Variants in PML observed in about 807,000 individuals in gnomAD.
PML encodes protein PML.
In PML, 28 loss-of-function variants were observed where a neutral mutation model predicts 65.2. The ratio of observed to expected loss-of-function variants is 0.43; its 90% CI spans 0.32 to 0.59. The LOEUF (loss-of-function observed/expected upper bound fraction) is 0.59, where lower values mean the gene tolerates loss of function less well. PML is among the 20% of genes least tolerant of loss of function. The pLI is 0.08. For synonymous variants in PML, 500 were observed against 508.8 expected, an observed-to-expected ratio of 0.98 and a Z score of 0.23; for missense variants, 1,021 against 1,203.4, an observed-to-expected ratio of 0.85 and a Z score of 2.24.
At chr15:74,006,402 A>AAAG in intron 2 of PML, among the ~76,000 whole-genome samples, 1 of 151,886 alleles carries the variant, frequency 6.6e-6, no homozygotes, top group African/African-American at 2.4e-5. Flanking sequence ...AAAAAAAAAA[A>AAAG]AAAAAAAAGA....
chr15:73,995,022 G>T, intron 1 of PML, 81 bp downstream of exon 1: 6 of 1,317,900 alleles, frequency 4.6e-6, no homozygotes, highest in Non-Finnish European at 6.2e-6. Flanking sequence ...AGGGTCTAAC[G>T]GAGGATTTGG....
At position 74,035,991 on chromosome 15, in the gene PML, C is replaced by A; in HGVS notation, c.1710+1461C>A. 6.2e-7 allele frequency: 1 copy of A among 1,614,168 alleles called. No individual in the cohort carries two copies. Among genetic ancestry groups the A allele is most frequent in the South Asian group, 1.1e-5 (1 of 91,092 alleles). On this transcript the variant is annotated intron_variant, in intron 7 of 8. Transcript: ENST00000268058. This position sits in a 1 kb window ranked among gnomAD's most constrained non-coding sequence, Gnocchi z 4.1. ...TCTTGTAACCTTGCAGCCAACACCC[C>A]TGCCCGGCCCCTGAGCTGCCTCCTC...
rs752043168 is a variant in PML, at chr15:74,035,249, C to T, written c.1710+719C>T. The T allele has an allele frequency of 2.5e-6, 4 of 1,610,344 alleles. No individual in the cohort carries two copies. Among genetic ancestry groups the T allele is most frequent in the Admixed American group, 1.7e-5 (1 of 59,978 alleles). On this transcript the variant is annotated intron_variant, in intron 7 of 8. Coordinates refer to ENST00000268058, the MANE Select transcript of PML (RefSeq NM_033238.3). The surrounding 1 kb of genome is among the most constrained non-coding windows in gnomAD (Gnocchi z 4.1). ...CGCCAGCCCACTCCTCGCCAGCCCA[C>T]TCCTCGCCAGTCCAGTCTCTGCTGA...
At chr15:74,025,058 T>G in intron 4 of PML, 131 bp downstream of exon 4, 1 of 708,276 alleles carries the variant, frequency 1.4e-6, no homozygotes, top group Non-Finnish European at 2.6e-6. Context: ...GACTGGAAAT[T>G]TCAGTGAGAG....
intron 4 of PML, chr15:74,027,013 T>C (rs1290879467): frequency 6.6e-6 from 1 of 152,244 alleles, no homozygotes; most frequent in Non-Finnish European, 1.5e-5. Context: ...AATATTATTA[T>C]AGATATTTGC....
intron 3 of PML, 117 bp downstream of exon 3, chr15:74,023,525 T>C: frequency 1.2e-6 from 1 of 868,638 alleles, no homozygotes; most frequent in Non-Finnish European, 1.8e-6. Context: ...TTATTCAGTC[T>C]TTGGGGGTTG....
Position 73,995,706 on chromosome 15 carries a change from G to GT in PML, c.129+774dup, listed in dbSNP as rs1042116930. Among the ~76,000 whole-genome samples, 12 of 151,484 alleles carry GT rather than the reference G, an allele frequency of 7.9e-5. No homozygotes were observed. The South Asian group carries it at 8.3e-4, about 11-fold the overall frequency. ...GCCAGGTACTGTATTAAGCACTTTG[G>GT]TTTTTTTTTGTTGTTGTTTGTTTGT... On this transcript the variant is annotated intron_variant, in intron 1 of 8. Transcript: ENST00000268058.
intron 1 of PML, among the ~76,000 whole-genome samples, chr15:73,995,511 C>A (rs2069440466): frequency 6.6e-6 from 1 of 152,242 alleles, no homozygotes; most frequent in Non-Finnish European, 1.5e-5. Context: ...CCCACCTCCC[C>A]CGACAAAGGA....
In PML at chr15:74,023,039, C is replaced by T; in HGVS notation, c.814C>T (p.Arg272Cys). The part of the protein sequence containing the change: ...HAAVGQLGRA[R>C]AETEELIRER... ...GGCCGTCGGCCAGCTGGGCCGCGCG[C>T]GTGCCGAGACCGAGGAGCTGATCCG... Residue 272 changes from arginine to cysteine, a missense_variant, in exon 3 of 9, where the codon CGT becomes TGT. Transcript: ENST00000268058. 5 of 1,604,716 alleles carry T rather than the reference C, an allele frequency of 3.1e-6. No individual in the cohort carries two copies. Among genetic ancestry groups the T allele is most frequent in the Non-Finnish European group, 4.2e-6 (5 of 1,178,278 alleles).
At chr15:74,022,373 T>C (rs1386366085) in intron 2 of PML, among the ~76,000 whole-genome samples, 1 of 152,202 alleles carries the variant, frequency 6.6e-6, no homozygotes, top group Non-Finnish European at 1.5e-5. Context: ...ATAACGACAA[T>C]TCTCACTCAA....
In PML at chr15:74,047,578, G is replaced by C. The variant is rs1034168323; in HGVS notation, c.*2570G>C. The C allele has an allele frequency of 9.3e-6, 2 of 215,478 alleles. No homozygotes were observed. The highest frequency in any genetic ancestry group is 1.9e-5 in the Non-Finnish European group (2 of 106,968). The allele number at this position is 215,478 out of a possible 1,614,324, so 13.3% of individuals were successfully genotyped here. A position where few individuals can be genotyped will look rare whatever the true frequency, so the allele number is the denominator to read the frequency against. On this transcript the variant is annotated 3_prime_UTR_variant, in exon 9 of 9. Transcript: ENST00000268058. The stretch of plus-strand genomic sequence containing the variant: ...GACACTGAGTTTCAATCCTCACTTA[G>C]TAGTCTGTGGCCCTCTTTGGCACAT...
chr15:73,998,386 A>G lies in PML; in HGVS notation c.512A>G (p.Asn171Ser), dbSNP rs764195821. 1.2e-6 allele frequency: 2 copies of G among 1,614,102 alleles called. No individual in the cohort carries two copies. Among genetic ancestry groups the G allele is most frequent in the Non-Finnish European group, 1.7e-6 (2 of 1,179,954 alleles). ...GCCCGGCCCCTAGCAGAGCTGCGCA[A>G]CCAGTCGGTGCGTGAGTTCCTGGAC... ...HEARPLAELR[N>S]QSVREFLDGT... Residue 171 changes from asparagine (N) to serine (S), a missense_variant, in exon 2 of 9, where the codon AAC (asparagine) becomes AGC (serine). Physicochemically the swap from Asn to Ser is conservative, Grantham distance 46. Transcript: ENST00000268058.
Position 74,022,106 on chromosome 15 carries a change from C to T in PML, c.603-722C>T, listed in dbSNP as rs186162838. Among the ~76,000 whole-genome samples the T allele has an allele frequency of 6.0e-3, 915 of 152,210 alleles. 14 individuals are homozygous for T. Among genetic ancestry groups the T allele is most frequent in the African/African-American group, 0.02 (846 of 41,524 alleles). The stretch of plus-strand genomic sequence containing the variant: ...CTGAGTAGCTGGGATTACAGGCATG[C>T]GGCAACACACCCGGCTAATTTTGTA... On this transcript the variant is annotated intron_variant, in intron 2 of 8. Transcript: ENST00000268058.
intron 2 of PML, among the ~76,000 whole-genome samples, chr15:74,009,380 T>A (rs1288677476): frequency 6.6e-6 from 1 of 152,126 alleles, no homozygotes; most frequent in Non-Finnish European, 1.5e-5. Context: ...TTATTGGGGA[T>A]TGATATTATT....
At chr15:74,014,421 T>C (rs2070470828) in intron 2 of PML, among the ~76,000 whole-genome samples, 1 of 151,050 alleles carries the variant, frequency 6.6e-6, no homozygotes, top group South Asian at 2.1e-4. Context: ...AACCTCTGCC[T>C]CCTGGGTTCA....
rs1595917435 is a variant in PML, at chr15:74,035,280, C to A, written c.1710+750C>A. 1 of 1,613,324 alleles carries A rather than the reference C, an allele frequency of 6.2e-7. No individual in the cohort carries two copies. Among genetic ancestry groups the A allele is most frequent in the Non-Finnish European group, 8.5e-7 (1 of 1,179,924 alleles). On this transcript the variant is annotated intron_variant, in intron 7 of 8. Transcript: ENST00000268058. The surrounding 1 kb of genome is among the most constrained non-coding windows in gnomAD (Gnocchi z 4.1). ...GCCAGTCCAGTCTCTGCTGAGAGCACAAGGAGCCTCCAGCCTGCCCTGTGG... is the reference window on the plus strand; with the variant it reads ...GCCAGTCCAGTCTCTGCTGAGAGCAAAAGGAGCCTCCAGCCTGCCCTGTGG...
At chr15:74,006,752 T>C (rs1216253080) in intron 2 of PML, among the ~76,000 whole-genome samples, 2 of 152,184 alleles carry the variant, frequency 1.3e-5, no homozygotes, top group Non-Finnish European at 2.9e-5. Flanking sequence ...GAAACCTGCT[T>C]GGCCTCAGGT....
intron 2 of PML, among the ~76,000 whole-genome samples, chr15:74,004,303 GTTTA>G (rs1023808027): frequency 1.3e-5 from 2 of 151,984 alleles, no homozygotes; most frequent in Non-Finnish European, 2.9e-5. Context: ...GTTTTCATTT[GTTTA>G]TTTGTTTGTT....
chr15:74,029,406 C>T (rs1043213362), intron 4 of PML, among the ~76,000 whole-genome samples: 13 of 152,146 alleles, frequency 8.5e-5, no homozygotes, highest in African/African-American at 3.1e-4. Context: ...AGTGGATCAC[C>T]TGAGGTCAGG....
Sources: allele counts gnomAD v4.1 joint callset (sites outside exome capture counted in the v4.1 genomes callset), GRCh38; gene constraint gnomAD v4.1.1; non-coding constraint Gnocchi (gnomAD v3.1); transcripts MANE v1.5; gene names NCBI Gene and HGNC (gene_info 2026-07-23, HGNC 2026-07-21).